Variants in CTNNA2 observed in about 807,000 individuals in gnomAD.
CTNNA2 encodes the protein catenin alpha-2.
A neutral mutation model predicts 101.0 loss-of-function variants in CTNNA2; 42 were observed. The observed-to-expected ratio is 0.42, with a 90% CI of 0.32 to 0.54. CTNNA2 has a LOEUF of 0.54. Among genes scored for constraint, CTNNA2 ranks in the 20% least tolerant of loss-of-function variants. The probability of loss-of-function intolerance (pLI) is 0.14; values close to 1 mark genes in which losing one functional copy is unlikely to be tolerated. For missense variants in CTNNA2, 871 were observed against 1,223.1 expected (o/e 0.71, Z 4.29); for synonymous variants, 450 against 456.4 (o/e 0.99, Z 0.18).
At chr2:79,798,382 T>G (rs72824547) in intron 3 of CTNNA2, among the ~76,000 whole-genome samples, 18,698 of 152,110 alleles carry the variant, frequency 0.12, 1,716 homozygotes, top group East Asian at 0.37. Flanking sequence ...TCCTCATGGA[T>G]CTCCAAAATT....
intron 7 of CTNNA2, among the ~76,000 whole-genome samples, chr2:80,160,439 G>T (rs1289718860): frequency 6.6e-6 from 1 of 152,132 alleles, no homozygotes; most frequent in Non-Finnish European, 1.5e-5. Flanking sequence ...AACACAGTAT[G>T]TCTCTCAATA....
At chr2:79,448,151 A>G (rs1412749819) in intron 4 of CTNNA2, among the ~76,000 whole-genome samples, 5 of 152,074 alleles carry the variant, frequency 3.3e-5, no homozygotes, top group Admixed American at 3.3e-4. Context: ...ATTTTAAAAA[A>G]TCTCATAACA....
At chr2:79,435,110 T>G (rs1018702021) in intron 4 of CTNNA2, among the ~76,000 whole-genome samples, 2 of 152,102 alleles carry the variant, frequency 1.3e-5, no homozygotes, top group African/African-American at 4.8e-5. Context: ...GGAGGTAGTC[T>G]GAGTCTTGGC....
At chr2:79,491,609 G>A (rs1671207849) in intron 4 of CTNNA2, among the ~76,000 whole-genome samples, 2 of 152,124 alleles carry the variant, frequency 1.3e-5, no homozygotes, top group South Asian at 2.1e-4. Context: ...ACTCTGAACT[G>A]TGTCTCCAGA....
intron 11 of CTNNA2, among the ~76,000 whole-genome samples, chr2:80,546,641 A>T (rs1692091987): frequency 6.6e-6 from 1 of 152,232 alleles, no homozygotes; most frequent in Non-Finnish European, 1.5e-5. Flanking sequence ...TTGAAATTAT[A>T]ACTTTCTTCT....
chr2:79,763,546 A>G (rs1672942891), intron 3 of CTNNA2, among the ~76,000 whole-genome samples: 1 of 152,118 alleles, frequency 6.6e-6, no homozygotes, highest in Non-Finnish European at 1.5e-5. Flanking sequence ...TAGAAGGTAG[A>G]GTATTATTAT....
At position 79,555,608 on chromosome 2, in the gene CTNNA2, A is replaced by G. The variant is rs150764569; in HGVS notation, c.-6+42401A>G. Among the ~76,000 whole-genome samples the G allele has an allele frequency of 5.9e-4, 90 of 152,292 alleles. No individual in the cohort carries two copies. The East Asian group carries it at 0.016, about 27-fold the overall frequency. On this transcript the variant is annotated intron_variant, in intron 1 of 18. Transcript: ENST00000402739. The stretch of plus-strand genomic sequence containing the variant: ...AACATTTCATGCAAGAAGCAGATTT[A>G]TAGTGAACTGAATTCTGTATCATGA...
chr2:80,544,959 C>A, intron 9 of CTNNA2, 23 bp from the exon 10 acceptor site: 4 of 1,605,296 alleles, frequency 2.5e-6, no homozygotes, highest in South Asian at 1.1e-5. Context: ...ACCTAATATT[C>A]ACTAAAATCC....
At chr2:79,688,872 A>G (rs903827369) in intron 2 of CTNNA2, among the ~76,000 whole-genome samples, 3 of 152,050 alleles carry the variant, frequency 2.0e-5, no homozygotes, top group African/African-American at 7.2e-5. Flanking sequence ...TTCTGAAACT[A>G]TTTTCTATGG....
intron 6 of CTNNA2, among the ~76,000 whole-genome samples, chr2:79,907,342 C>A (rs1574282070): frequency 6.8e-6 from 1 of 147,882 alleles, no homozygotes. Context: ...TACACACACA[C>A]ACACACACAT....
intron 7 of CTNNA2, among the ~76,000 whole-genome samples, chr2:80,247,542 C>T (rs115164690): frequency 1.2e-3 from 182 of 152,300 alleles, no homozygotes; most frequent in African/African-American, 4.3e-3. Flanking sequence ...AGCTTATCTC[C>T]AACAAGTCTA....
chr2:80,369,917 C>T (rs1386575401), intron 7 of CTNNA2, among the ~76,000 whole-genome samples: 6 of 152,102 alleles, frequency 3.9e-5, no homozygotes, highest in Non-Finnish European at 8.8e-5. Context: ...CTGACCACAC[C>T]TTGATTTCAA....
chr2:79,897,403 G>C (rs1163293716), intron 6 of CTNNA2, among the ~76,000 whole-genome samples: 1 of 151,770 alleles, frequency 6.6e-6, no homozygotes, highest in Non-Finnish European at 1.5e-5. Flanking sequence ...AATAAGGGGG[G>C]AATATGGACT....
intron 7 of CTNNA2, among the ~76,000 whole-genome samples, chr2:80,041,476 A>G (rs1388425232): frequency 1.3e-5 from 2 of 152,186 alleles, no homozygotes; most frequent in Admixed American, 6.5e-5. Context: ...GAAAGCACCC[A>G]ATATAACTGC....
intron 1 of CTNNA2, among the ~76,000 whole-genome samples, chr2:79,550,045 C>T (rs78470259): frequency 6.6e-6 from 1 of 152,096 alleles, no homozygotes; most frequent in Non-Finnish European, 1.5e-5. Context: ...CCATTTATTG[C>T]CTGACTGTCT....
intron 7 of CTNNA2, among the ~76,000 whole-genome samples, chr2:79,914,340 A>T (rs1686035269): frequency 6.6e-6 from 1 of 152,124 alleles, no homozygotes; most frequent in Admixed American, 6.6e-5. Flanking sequence ...AAAATTTAAT[A>T]CTTATTCTAA....
intron 7 of CTNNA2, among the ~76,000 whole-genome samples, chr2:80,214,313 G>A (rs1254439438): frequency 2.0e-5 from 3 of 152,108 alleles, no homozygotes. Context: ...AGCATCGATG[G>A]TCCTTACAAT....
At chr2:80,636,951 T>G (rs577634589) in intron 18 of CTNNA2, among the ~76,000 whole-genome samples, 42 of 152,178 alleles carry the variant, frequency 2.8e-4, no homozygotes, top group Admixed American at 7.2e-4. Flanking sequence ...GATACATAAG[T>G]GTTGGTATTT....
At chr2:79,923,293 T>C (rs1372326634) in intron 7 of CTNNA2, among the ~76,000 whole-genome samples, 2 of 152,134 alleles carry the variant, frequency 1.3e-5, no homozygotes, top group Non-Finnish European at 1.5e-5. Context: ...GTATATCTAC[T>C]TTTTCATAAT....
Sources: gnomAD v4.1 joint callset for allele counts (sites outside exome capture counted in the v4.1 genomes callset) on GRCh38, gnomAD v4.1.1 for gene constraint, MANE v1.5 for transcripts, NCBI Gene and HGNC (gene_info 2026-07-23, HGNC 2026-07-21) for gene names.